VEPH1: variants seen among roughly 807,000 people sequenced by gnomAD.
The protein encoded by VEPH1 is ventricular zone-expressed PH domain-containing protein homolog 1.
Under a neutral mutation model 85.2 loss-of-function variants are expected in VEPH1, and 80 were observed. The observed-to-expected ratio is 0.94, with a 90% confidence interval of 0.78 to 1.13. The LOEUF (loss-of-function observed/expected upper bound fraction) is 1.13, where lower values mean the gene tolerates loss of function less well. Ranked by LOEUF, VEPH1 falls within the 50% of genes most tolerant of loss-of-function variation. The pLI is 0.00. For synonymous variants in VEPH1, 297 were observed against 348.0 expected, an observed-to-expected ratio of 0.85 and a Z score of 1.63; for missense variants, 955 against 980.5, an observed-to-expected ratio of 0.97 and a Z score of 0.35.
At chr3:157,377,866 T>C (rs557443637) in intron 7 of VEPH1, among the ~76,000 whole-genome samples, 3 of 152,292 alleles carry the variant, frequency 2.0e-5, no homozygotes, top group East Asian at 1.9e-4. Flanking sequence ...TTATTAAAAA[T>C]ATATTTTCCT....
chr3:157,274,240 C>G (rs778139640), intron 12 of VEPH1, among the ~76,000 whole-genome samples: 3 of 152,150 alleles, frequency 2.0e-5, no homozygotes, highest in Non-Finnish European at 4.4e-5. Flanking sequence ...AATAAAGGAT[C>G]AATAAATAGT....
chr3:157,293,857 T>C (rs1307000710), intron 11 of VEPH1, among the ~76,000 whole-genome samples: 3 of 152,196 alleles, frequency 2.0e-5, no homozygotes, highest in Non-Finnish European at 4.4e-5. Context: ...AGCAAATTAT[T>C]AGAGTGGGAG....
chr3:157,343,705 C>T (rs968827606), intron 9 of VEPH1, among the ~76,000 whole-genome samples: 26 of 152,152 alleles, frequency 1.7e-4, no homozygotes, highest in African/African-American at 6.3e-4. Context: ...GTTACCAAAG[C>T]CTGGCAGAGA....
At chr3:157,497,523 A>G (rs1050736183) in intron 1 of VEPH1, among the ~76,000 whole-genome samples, 29 of 152,222 alleles carry the variant, frequency 1.9e-4, no homozygotes, top group African/African-American at 6.0e-4. Flanking sequence ...TCAGATATTT[A>G]CAGTGACAAG....
intron 7 of VEPH1, among the ~76,000 whole-genome samples, chr3:157,373,751 G>T (rs916515895): frequency 1.3e-5 from 2 of 152,122 alleles, no homozygotes; most frequent in African/African-American, 2.4e-5. Context: ...CCAGCGCATG[G>T]GTGCCTCATG....
chr3:157,413,122 CTCAG>C (rs1401069826), intron 6 of VEPH1, among the ~76,000 whole-genome samples: 1 of 152,074 alleles, frequency 6.6e-6, no homozygotes, highest in Non-Finnish European at 1.5e-5. Context: ...AGGAAAAGCT[CTCAG>C]TCAATTATAG....
chr3:157,329,538 T>C (rs1218751093), intron 9 of VEPH1, among the ~76,000 whole-genome samples: 1 of 152,238 alleles, frequency 6.6e-6, no homozygotes, highest in Non-Finnish European at 1.5e-5. Context: ...GTTGTCTTCA[T>C]GTATAACTTA....
At chr3:157,400,104 T>C (rs1180824584) in intron 6 of VEPH1, among the ~76,000 whole-genome samples, 1 of 152,146 alleles carries the variant, frequency 6.6e-6, no homozygotes, top group Non-Finnish European at 1.5e-5. Flanking sequence ...CCATTCTTCA[T>C]TATTTTTGAT....
chr3:157,492,941 G>A (rs540319505), intron 2 of VEPH1, among the ~76,000 whole-genome samples: 57 of 152,054 alleles, frequency 3.7e-4, no homozygotes, highest in Non-Finnish European at 5.7e-4. Flanking sequence ...CTGTTTCTTT[G>A]GGGCACCGTC....
intron 6 of VEPH1, among the ~76,000 whole-genome samples, chr3:157,383,710 C>T (rs1208798263): frequency 6.6e-6 from 1 of 152,184 alleles, no homozygotes; most frequent in Admixed American, 6.5e-5. Flanking sequence ...GAGGCTTGTG[C>T]TTTCATGAGC....
chr3:157,272,240 TCTTCCTTCCTTCCTTC>T (rs59176910), intron 12 of VEPH1, among the ~76,000 whole-genome samples: 1,903 of 137,292 alleles, frequency 0.014, 51 homozygotes, highest in African/African-American at 0.044. Flanking sequence ...TCTCTTTTCT[TCTTCCTTCCTTCCTTC>T]CTTCCTTCCT....
intron 5 of VEPH1, 135 bp downstream of exon 5, chr3:157,428,178 CAGAGTAAGT>C: frequency 1.3e-6 from 1 of 758,358 alleles, no homozygotes. Flanking sequence ...ATTATACAAA[CAGAGTAAGT>C]AGATGAGCGC....
At chr3:157,287,531 A>G (rs943243150) in intron 11 of VEPH1, among the ~76,000 whole-genome samples, 4 of 152,038 alleles carry the variant, frequency 2.6e-5, no homozygotes, top group Admixed American at 2.0e-4. Context: ...ATTCTATTAC[A>G]TAATATAAGC....
At chr3:157,427,551 G>A (rs1732843993) in intron 5 of VEPH1, among the ~76,000 whole-genome samples, 1 of 152,104 alleles carries the variant, frequency 6.6e-6, no homozygotes. Flanking sequence ...AACTTCCCTG[G>A]CTCAGGTGAT....
intron 1 of VEPH1, among the ~76,000 whole-genome samples, chr3:157,498,509 A>G (rs1427668258): frequency 6.6e-6 from 1 of 152,170 alleles, no homozygotes; most frequent in Non-Finnish European, 1.5e-5. Flanking sequence ...TTAGAGAGGA[A>G]AGTAACCACC....
At chr3:157,287,863 C>A (rs1347738680) in intron 11 of VEPH1, among the ~76,000 whole-genome samples, 6 of 152,092 alleles carry the variant, frequency 3.9e-5, no homozygotes, top group Non-Finnish European at 8.8e-5. Flanking sequence ...CCGTGCATGG[C>A]CTGCATTGGT....
chr3:157,365,811 G>A (rs1014349869), intron 7 of VEPH1, among the ~76,000 whole-genome samples: 3 of 152,104 alleles, frequency 2.0e-5, no homozygotes, highest in Non-Finnish European at 4.4e-5. Context: ...TTCTGGGTAC[G>A]CTGTACTCCC....
chr3:157,312,818 G>C lies in VEPH1; in HGVS notation c.2010+803C>G, dbSNP rs146721223. On this transcript the variant is annotated intron_variant, in intron 11 of 13. Transcript: ENST00000362010. The stretch of plus-strand genomic sequence containing the variant: ...AAATAATGGAAACTTATTTTTTATA[G>C]TTCTGGAGCTAGGAAGACCAAGATC... 9.3e-5 allele frequency among the ~76,000 whole-genome samples: 14 copies of C among 150,956 alleles called. No individual in the cohort carries two copies. In the East Asian group the frequency reaches 2.7e-3, roughly 29 times the overall value.
intron 2 of VEPH1, among the ~76,000 whole-genome samples, chr3:157,484,453 C>T (rs1220571461): frequency 6.6e-6 from 1 of 152,050 alleles, no homozygotes; most frequent in Non-Finnish European, 1.5e-5. Flanking sequence ...AGGGACATGC[C>T]ACTGCACTTG....
Sources: gnomAD v4.1 joint callset for allele counts (sites outside exome capture counted in the v4.1 genomes callset) on GRCh38, gnomAD v4.1.1 for gene constraint, MANE v1.5 for transcripts, NCBI Gene and HGNC (gene_info 2026-07-23, HGNC 2026-07-21) for gene names.